Variants in SPOCK1 observed in about 807,000 individuals in gnomAD.
The protein encoded by SPOCK1 is SPARC (osteonectin), cwcv and kazal like domains proteoglycan 1.
SPOCK1 carries 23 observed loss-of-function variants against 55.3 expected under a neutral mutation model. The observed-to-expected ratio is 0.42, with a 90% CI of 0.30 to 0.59. SPOCK1 has a LOEUF of 0.59. Among genes scored for constraint, SPOCK1 ranks in the 20% least tolerant of loss-of-function variants. SPOCK1 has a pLI of 0.22. For synonymous variants in SPOCK1, 226 were observed against 221.0 expected (o/e 1.02, Z -0.20); for missense variants, 499 against 552.5 (o/e 0.90, Z 0.97).
intron 2 of SPOCK1, among the ~76,000 whole-genome samples, chr5:137,416,569 G>C (rs939066176): frequency 1.3e-5 from 2 of 152,030 alleles, no homozygotes; most frequent in Non-Finnish European, 1.5e-5. Context: ...AAAACCTATT[G>C]CTCTCCCCAA....
chr5:137,051,156 T>G (rs1349967717), intron 6 of SPOCK1, among the ~76,000 whole-genome samples: 1 of 152,254 alleles, frequency 6.6e-6, no homozygotes, highest in Non-Finnish European at 1.5e-5. Flanking sequence ...AGTCATTTTT[T>G]GAACTGGCTA....
chr5:136,999,598 T>C (rs1356979850), intron 6 of SPOCK1, among the ~76,000 whole-genome samples: 1 of 152,090 alleles, frequency 6.6e-6, no homozygotes, highest in Non-Finnish European at 1.5e-5. Context: ...AATGACAGTC[T>C]GAAAAGCCCT....
intron 2 of SPOCK1, among the ~76,000 whole-genome samples, chr5:137,435,757 C>A (rs1047447393): frequency 5.3e-5 from 8 of 151,778 alleles, no homozygotes; most frequent in African/African-American, 1.9e-4. Context: ...GTTCTTATTT[C>A]TATATTAACA....
intron 2 of SPOCK1, among the ~76,000 whole-genome samples, chr5:137,411,615 C>T (rs1026602258): frequency 4.6e-5 from 7 of 152,196 alleles, no homozygotes; most frequent in Admixed American, 4.6e-4. Context: ...GGCTTCTTTC[C>T]ACTCTGCCAC....
rs116770526 is a variant in SPOCK1, at chr5:137,491,804, T to A, written c.186+6569A>T. On this transcript the variant is annotated intron_variant, in intron 2 of 10. Transcript: ENST00000394945. Reference sequence around the variant, plus strand: ...GTCAACAAAATGCTTATTGGCCACCTGCTGTGTGTGAGGCATGACAAGACT... The same window carrying A: ...GTCAACAAAATGCTTATTGGCCACCAGCTGTGTGTGAGGCATGACAAGACT... Among the ~76,000 whole-genome samples, 1,197 of 152,356 alleles carry A rather than the reference T, an allele frequency of 7.9e-3. 13 individuals carry two copies. The highest frequency in any genetic ancestry group is 0.027 in the African/African-American group (1,129 of 41,572).
Position 136,977,169 on chromosome 5 carries a change from G to A in SPOCK1, c.*1485C>T, listed in dbSNP as rs1303880408. The stretch of plus-strand genomic sequence containing the variant: ...AAATGGGGGAACTTCAGAGACTACT[G>A]TTTGGTACTTGTATCTGGGCCAGCT... On this transcript the variant is annotated 3_prime_UTR_variant, in exon 11 of 11. Coordinates refer to ENST00000394945, the MANE Select transcript of SPOCK1 (RefSeq NM_004598.4). 1 of 152,162 alleles carries A rather than the reference G, an allele frequency of 6.6e-6. No homozygotes were observed. The highest frequency in any genetic ancestry group is 2.4e-5 in the African/African-American group (1 of 41,420). 9.4% of individuals were successfully genotyped at this position (152,162 alleles called of 1,614,324 possible). A position where few individuals can be genotyped will look rare whatever the true frequency, so the allele number is the denominator to read the frequency against.
At chr5:137,142,849 A>C (rs1287491396) in intron 3 of SPOCK1, among the ~76,000 whole-genome samples, 1 of 152,192 alleles carries the variant, frequency 6.6e-6, no homozygotes, top group Non-Finnish European at 1.5e-5. Context: ...AGCCCAGTGC[A>C]CTGCCGCCCA....
chr5:137,226,658 G>C (rs978985005), intron 3 of SPOCK1, among the ~76,000 whole-genome samples: 1 of 152,102 alleles, frequency 6.6e-6, no homozygotes, highest in African/African-American at 2.4e-5. Context: ...CTACACCCTA[G>C]GGAACCCCTA....
At chr5:137,469,445 T>G (rs991372845) in intron 2 of SPOCK1, among the ~76,000 whole-genome samples, 21 of 152,188 alleles carry the variant, frequency 1.4e-4, no homozygotes, top group African/African-American at 5.1e-4. Context: ...CAAAGTTGTT[T>G]TTTTTTTAAG....
At chr5:137,091,640 C>T (rs989140197) in intron 5 of SPOCK1, among the ~76,000 whole-genome samples, 2 of 152,202 alleles carry the variant, frequency 1.3e-5, no homozygotes, top group African/African-American at 2.4e-5. Context: ...TTCAAATTTC[C>T]TCACTGTCAG....
intron 7 of SPOCK1, among the ~76,000 whole-genome samples, chr5:136,992,045 T>C (rs1393090307): frequency 6.6e-6 from 1 of 152,196 alleles, no homozygotes; most frequent in African/African-American, 2.4e-5. Context: ...AACCTCAATG[T>C]CCCAAAATAA....
intron 3 of SPOCK1, among the ~76,000 whole-genome samples, chr5:137,200,490 C>T (rs185139280): frequency 6.6e-6 from 1 of 152,330 alleles, no homozygotes; most frequent in Non-Finnish European, 1.5e-5. Flanking sequence ...GGCTGTCTCC[C>T]TCACCAGCAT....
chr5:137,294,557 G>A (rs545627026), intron 2 of SPOCK1, among the ~76,000 whole-genome samples: 12 of 152,316 alleles, frequency 7.9e-5, no homozygotes, highest in South Asian at 6.2e-4. Context: ...GGCCAAGGCC[G>A]TGGAAGTTGT....
chr5:137,093,109 A>C (rs1234409266), intron 5 of SPOCK1, among the ~76,000 whole-genome samples: 1 of 152,182 alleles, frequency 6.6e-6, no homozygotes, highest in African/African-American at 2.4e-5. Context: ...GTCACCTCTT[A>C]AAGGCCCCAC....
intron 2 of SPOCK1, among the ~76,000 whole-genome samples, chr5:137,349,792 G>A (rs2127160207): frequency 6.6e-6 from 1 of 152,224 alleles, no homozygotes; most frequent in African/African-American, 2.4e-5. Flanking sequence ...GTCTGTCTCT[G>A]TGTCCAAATT....
At chr5:136,994,865 C>G (rs1243879091) in intron 6 of SPOCK1, among the ~76,000 whole-genome samples, 1 of 151,958 alleles carries the variant, frequency 6.6e-6, no homozygotes, top group Non-Finnish European at 1.5e-5. Flanking sequence ...ATTAGCCAGT[C>G]ATGGTGGTGC....
intron 3 of SPOCK1, among the ~76,000 whole-genome samples, chr5:137,155,461 G>C (rs1467974706): frequency 6.6e-6 from 1 of 152,304 alleles, no homozygotes; most frequent in Middle Eastern, 3.4e-3. Flanking sequence ...GCCAGTGTGG[G>C]GAAAGGTGAA....
intron 3 of SPOCK1, among the ~76,000 whole-genome samples, chr5:137,192,232 CAAAAAAAAAAAA>C (rs60401497): frequency 1.3e-4 from 9 of 68,250 alleles, no homozygotes; most frequent in Admixed American, 3.9e-4. Flanking sequence ...GACTCTGTCT[CAAAAAAAAAAAA>C]AAAAAAAAAA....
chr5:137,255,058 G>A (rs1466123127), intron 3 of SPOCK1, among the ~76,000 whole-genome samples: 1 of 152,214 alleles, frequency 6.6e-6, no homozygotes, highest in Non-Finnish European at 1.5e-5. Flanking sequence ...CAGGCCTTTA[G>A]AAGACAGTGC....
Sources: gnomAD v4.1 joint callset for allele counts (sites outside exome capture counted in the v4.1 genomes callset) on GRCh38, gnomAD v4.1.1 for gene constraint, MANE v1.5 for transcripts, NCBI Gene and HGNC (gene_info 2026-07-23, HGNC 2026-07-21) for gene names.